The following KANSL1 variants were observed in gnomAD, a reference collection of about 807,000 sequenced individuals.
KANSL1 encodes MLL1/MLL complex subunit KANSL1.
KANSL1 carries 22 observed loss-of-function variants against 103.6 expected under a neutral mutation model. The ratio of observed to expected loss-of-function variants is 0.21; its 90% CI spans 0.15 to 0.30. The LOEUF is 0.30. Ranked by LOEUF, KANSL1 falls within the 10% of genes least tolerant of loss-of-function variation. KANSL1 has a pLI of 1.00. For synonymous variants in KANSL1, 600 were observed against 527.6 expected, an observed-to-expected ratio of 1.14 and a Z score of -1.88; for missense variants, 1,337 against 1,399.8, an observed-to-expected ratio of 0.96 and a Z score of 0.72.
At chr17:46,114,673 A>G (rs1567690944) in intron 2 of KANSL1, among the ~76,000 whole-genome samples, 2 of 152,248 alleles carry the variant, frequency 1.3e-5, no homozygotes, top group African/African-American at 2.4e-5. Context: ...TGATAGAGCT[A>G]TATTAGGAAA....
At chr17:46,067,720 C>G in intron 4 of KANSL1, 53 bp from the exon 5 acceptor site, 1 of 899,092 alleles carries the variant, frequency 1.1e-6, no homozygotes, top group East Asian at 2.4e-5. Context: ...CGCACCCCTG[C>G]CTGAAAAGCA....
At chr17:46,095,959 T>C (rs1410191337) in intron 2 of KANSL1, among the ~76,000 whole-genome samples, 1 of 152,148 alleles carries the variant, frequency 6.6e-6, no homozygotes, top group Admixed American at 6.6e-5. Flanking sequence ...TAAGATGCTG[T>C]TTGAAATCTG....
At chr17:46,150,909 G>C (rs574231174) in intron 2 of KANSL1, among the ~76,000 whole-genome samples, 1 of 137,830 alleles carries the variant, frequency 7.3e-6, no homozygotes, top group East Asian at 2.2e-4. Flanking sequence ...TAAGTTAACT[G>C]CAAGATCCCT....
At chr17:46,105,342 C>G (rs2042485741) in intron 2 of KANSL1, among the ~76,000 whole-genome samples, 1 of 152,184 alleles carries the variant, frequency 6.6e-6, no homozygotes. Context: ...TGAGGCCGAG[C>G]ATGGTGGCTC....
intron 1 of KANSL1, among the ~76,000 whole-genome samples, chr17:46,219,813 T>C (rs1427676851): frequency 1.3e-5 from 2 of 152,238 alleles, no homozygotes; most frequent in African/African-American, 2.4e-5. Context: ...GTTCAAGAAC[T>C]ATTCTCTCGG....
chr17:46,171,161 GTCT>G lies in KANSL1; in HGVS notation c.980_982del (p.Lys327del). The G allele has an allele frequency of 1.2e-6, 2 of 1,614,132 alleles. No homozygotes were observed. Among genetic ancestry groups the G allele is most frequent in the Admixed American group, 1.7e-5 (1 of 60,014 alleles). On this transcript the variant is annotated inframe_deletion, in exon 2 of 15. Transcript: ENST00000432791. ...TTCCAAGTTTGGCAGTTTGCTCAAA[GTCT>G]TCTCCAAAAATCCACCCAGCTGATG...
At chr17:46,198,733 A>G (rs2047699274), upstream of KANSL1, among the ~76,000 whole-genome samples, 3 of 152,378 alleles carry the variant, frequency 2.0e-5, no homozygotes, top group South Asian at 6.2e-4. Flanking sequence ...CTCTGTTTCA[A>G]AAACAAAATC....
Position 46,171,381 on chromosome 17 carries a change from T to G in KANSL1, c.763A>C (p.Ser255Arg). 1 of 1,614,170 alleles carries G rather than the reference T, an allele frequency of 6.2e-7. No individual in the cohort carries two copies. Among genetic ancestry groups the G allele is most frequent in the Admixed American group, 1.7e-5 (1 of 60,022 alleles). ...AATTTGACACCCCCCAAGTTAGAGCTGGAGTCTGTACCAGGTGATAATCTA... is the reference window on the plus strand; with the variant it reads ...AATTTGACACCCCCCAAGTTAGAGCGGGAGTCTGTACCAGGTGATAATCTA... ...SSRLSPGTDSSSNLGGVKLEG... is the reference protein window; with the variant it reads ...SSRLSPGTDSRSNLGGVKLEG... The change falls in exon 2 of 15, where the codon AGC becomes CGC. Residue 255 changes from serine to arginine, a missense_variant. This residue lies in a region of KANSL1 where 557 missense variants were observed against 476.4 expected (regional missense o/e 1.17). Coordinates refer to ENST00000432791, the MANE Select transcript of KANSL1 (RefSeq NM_015443.4).
At chr17:46,055,357 C>T (rs186757347) in intron 6 of KANSL1, among the ~76,000 whole-genome samples, 4,329 of 151,098 alleles carry the variant, frequency 0.029, 214 homozygotes, top group African/African-American at 0.1. Flanking sequence ...CCCAGCTACT[C>T]GGGAGGCTGA....
rs900979644 is a variant in KANSL1, at chr17:46,174,835, G to A, written c.-89-2603C>T. 3.3e-5 allele frequency among the ~76,000 whole-genome samples: 5 copies of A among 152,114 alleles called. No individual in the cohort carries two copies. The East Asian group carries it at 5.8e-4, about 18-fold the overall frequency. On this transcript the variant is annotated intron_variant, in intron 1 of 14. Transcript: ENST00000432791. Reference sequence around the variant, plus strand: ...ACTATAGGTGTGTGCCACCATGCCCGGCTAATTTTTTGAATTTTTGTAGAG... The same window carrying A: ...ACTATAGGTGTGTGCCACCATGCCCAGCTAATTTTTTGAATTTTTGTAGAG...
intron 2 of KANSL1, among the ~76,000 whole-genome samples, chr17:46,125,847 C>T (rs2043529644): frequency 6.6e-6 from 1 of 152,196 alleles, no homozygotes; most frequent in Admixed American, 6.5e-5. Flanking sequence ...GAAAGAGATA[C>T]TACAGGCTAG....
intron 1 of KANSL1, among the ~76,000 whole-genome samples, chr17:46,217,657 G>A (rs570531478): frequency 6.6e-6 from 1 of 152,298 alleles, no homozygotes; most frequent in East Asian, 1.9e-4. Flanking sequence ...GGGAGGCTGA[G>A]GTGGGCAGAT....
intron 1 of KANSL1, chr17:46,192,489 G>C (rs1400279706): frequency 2.6e-5 from 4 of 152,814 alleles, no homozygotes; most frequent in African/African-American, 7.2e-5. Flanking sequence ...TTCAAGGCGA[G>C]AGCCAGAGTT....
At chr17:46,211,275 G>A (rs1315941344) in intron 1 of KANSL1, among the ~76,000 whole-genome samples, 1 of 148,464 alleles carries the variant, frequency 6.7e-6, no homozygotes, top group African/African-American at 2.5e-5. Flanking sequence ...AATCCTATTA[G>A]GAAAAAACTG....
At chr17:46,053,002 A>G (rs1420272808) in intron 6 of KANSL1, among the ~76,000 whole-genome samples, 2 of 120,540 alleles carry the variant, frequency 1.7e-5, no homozygotes, top group African/African-American at 3.0e-5. Flanking sequence ...AAAAAAAAAA[A>G]AAAGGCTGCG....
At chr17:46,094,783 T>A in intron 2 of KANSL1, 82 bp from the exon 3 acceptor site, 1 of 1,524,508 alleles carries the variant, frequency 6.6e-7, no homozygotes, top group East Asian at 2.3e-5. Context: ...GGAATTTAAC[T>A]TTTAAAGGCC....
intron 10 of KANSL1, among the ~76,000 whole-genome samples, chr17:46,036,313 C>T (rs2077147256): frequency 6.6e-6 from 1 of 152,150 alleles, no homozygotes; most frequent in Non-Finnish European, 1.5e-5. Flanking sequence ...CAAAAACACT[C>T]GCTCTCCTCC....
intron 4 of KANSL1, among the ~76,000 whole-genome samples, chr17:46,072,837 T>C (rs751762306): frequency 2.6e-5 from 4 of 152,230 alleles, no homozygotes; most frequent in Non-Finnish European, 5.9e-5. Flanking sequence ...TTGATTAGCA[T>C]AATGCTGTTA....
At position 46,030,891 on chromosome 17, in the gene KANSL1, G is replaced by A. The variant is rs1022378860; in HGVS notation, c.*585C>T. 14 of 152,980 alleles carry A rather than the reference G, an allele frequency of 9.2e-5. No individual in the cohort carries two copies. Among genetic ancestry groups the A allele is most frequent in the African/African-American group, 3.4e-4 (14 of 41,472 alleles). The allele number at this position is 152,980 out of a possible 1,614,324, so 9.5% of individuals were successfully genotyped here. ...ATGAAACAAAAAATCAGTCTCTTAA[G>A]TTCTGGGTGAGAAAGGAAAGGTGTT... is the stretch of plus-strand genomic sequence containing the variant. On this transcript the variant is annotated 3_prime_UTR_variant, in exon 15 of 15. Transcript: ENST00000432791.
Sources: allele counts gnomAD v4.1 joint callset (sites outside exome capture counted in the v4.1 genomes callset), GRCh38; gene constraint gnomAD v4.1.1; regional missense constraint gnomAD v4.1.1; transcripts MANE v1.5; gene names NCBI Gene and HGNC (gene_info 2026-07-23, HGNC 2026-07-21).